CADM2: variants seen among roughly 807,000 people sequenced by gnomAD.
CADM2 encodes the protein cell adhesion molecule 2, also known as immunoglobulin superfamily member 4D.
A neutral mutation model predicts 49.8 loss-of-function variants in CADM2; 12 were observed. That is an observed-to-expected ratio of 0.24 (90% CI 0.15 to 0.39). The LOEUF (loss-of-function observed/expected upper bound fraction) is 0.39, where lower values mean the gene tolerates loss of function less well. Among genes scored for constraint, CADM2 ranks in the 10% least tolerant of loss-of-function variants. The probability of loss-of-function intolerance (pLI) is 1.00; values close to 1 mark genes in which losing one functional copy is unlikely to be tolerated. For missense variants in CADM2, 378 were observed against 492.3 expected (o/e 0.77, Z 2.20); for synonymous variants, 214 against 175.4 (o/e 1.22, Z -1.74).
At chr3:85,913,011 T>C (rs941488466) in intron 6 of CADM2, among the ~76,000 whole-genome samples, 2 of 152,224 alleles carry the variant, frequency 1.3e-5, no homozygotes, top group East Asian at 3.8e-4. Context: ...TTATTTATTA[T>C]GTTTTCATCA....
chr3:85,658,777 A>G (rs973715517), intron 1 of CADM2, among the ~76,000 whole-genome samples: 3 of 150,644 alleles, frequency 2.0e-5, no homozygotes, highest in Non-Finnish European at 4.4e-5. Flanking sequence ...CAAGCTGGAC[A>G]TGGTAACACA....
intron 1 of CADM2, among the ~76,000 whole-genome samples, chr3:85,703,132 G>T (rs922532547): frequency 6.6e-6 from 1 of 152,074 alleles, no homozygotes; most frequent in Non-Finnish European, 1.5e-5. Flanking sequence ...AAAATATTGA[G>T]ATTATACTTA....
intron 8 of CADM2, among the ~76,000 whole-genome samples, chr3:86,029,988 A>G (rs7613552): frequency 0.032 from 4,891 of 152,136 alleles, 149 homozygotes; most frequent in African/African-American, 0.076. Flanking sequence ...AACACAAACA[A>G]TTTAATCTGA....
chr3:86,067,034 T>TG lies in CADM2; in HGVS notation c.*252dup. 1 of 445,512 alleles carries TG rather than the reference T, an allele frequency of 2.2e-6. No individual in the cohort carries two copies. The allele number at this position is 445,512 out of a possible 1,614,324, so 27.6% of individuals were successfully genotyped here. On this transcript the variant is annotated 3_prime_UTR_variant, in exon 10 of 10. Coordinates refer to ENST00000383699, the MANE Select transcript of CADM2 (RefSeq NM_001167675.2). ...CATTGCTCTTTTAACATACAGTGCT[T>TG]GAATATACAGCCTTAACAATGTTAA...
At chr3:85,570,405 G>T (rs1042698503) in intron 1 of CADM2, among the ~76,000 whole-genome samples, 4 of 152,010 alleles carry the variant, frequency 2.6e-5, no homozygotes, top group Non-Finnish European at 5.9e-5. Flanking sequence ...GTAAAATAAA[G>T]AATATAAAAT....
chr3:85,550,962 A>G (rs2061787483), intron 1 of CADM2, among the ~76,000 whole-genome samples: 1 of 128,320 alleles, frequency 7.8e-6, no homozygotes, highest in Non-Finnish European at 1.6e-5. Context: ...ATTTTAATTT[A>G]TTTATTTGTT....
At chr3:85,101,369 T>A (rs2038004490) in intron 1 of CADM2, among the ~76,000 whole-genome samples, 1 of 152,176 alleles carries the variant, frequency 6.6e-6, no homozygotes, top group African/African-American at 2.4e-5. Context: ...TGTCTAGTTG[T>A]TTTGTAATAC....
At chr3:85,586,105 G>T (rs1383140455) in intron 1 of CADM2, among the ~76,000 whole-genome samples, 1 of 152,030 alleles carries the variant, frequency 6.6e-6, no homozygotes. Flanking sequence ...TGTTCATGCT[G>T]TTCCCATTTG....
Position 85,722,851 on chromosome 3 carries a change from A to T in CADM2, c.62-3671A>T, listed in dbSNP as rs73147257. Among the ~76,000 whole-genome samples, 959 of 152,304 alleles carry T rather than the reference A, an allele frequency of 6.3e-3. 3 individuals are homozygous for T. Among genetic ancestry groups the T allele is most frequent in the Non-Finnish European group, 0.01 (689 of 68,004 alleles). ...TCCATTTCAAGAAATGCATTTTAAG[A>T]GTCCCTAAATCTTTGAGAAAATATT... On this transcript the variant is annotated intron_variant, in intron 1 of 9. Transcript: ENST00000383699.
intron 7 of CADM2, among the ~76,000 whole-genome samples, chr3:85,956,539 CAG>C (rs1577771656): frequency 6.6e-6 from 1 of 151,570 alleles, no homozygotes; most frequent in South Asian, 2.1e-4. Flanking sequence ...AGATTTATCA[CAG>C]AGACTAGGAT....
rs2062976862 is a variant in CADM2, at chr3:85,587,475, G to C, written c.62-139047G>C. ...GATCTCTCAGTGGGAAAATTGTCTT[G>C]ACATGGATTGCCACTGAATATATAT... On this transcript the variant is annotated intron_variant, in intron 1 of 9. Transcript: ENST00000383699. Among the ~76,000 whole-genome samples the C allele has an allele frequency of 2.0e-5, 3 of 151,992 alleles. No homozygotes were observed. In the South Asian group the frequency reaches 6.2e-4, roughly 32 times the overall value.
intron 1 of CADM2, among the ~76,000 whole-genome samples, chr3:85,197,703 T>A (rs1353593353): frequency 1.3e-5 from 2 of 151,998 alleles, no homozygotes; most frequent in African/African-American, 4.8e-5. Flanking sequence ...ATCGCACAAG[T>A]CAGCACAGGA....
intron 3 of CADM2, among the ~76,000 whole-genome samples, chr3:85,855,033 G>A (rs1255400596): frequency 6.6e-6 from 1 of 152,034 alleles, no homozygotes; most frequent in Admixed American, 6.6e-5. Context: ...CCTCATCAAA[G>A]GTCTCTTGCC....
chr3:85,727,567 A>G (rs1421947714), intron 2 of CADM2, among the ~76,000 whole-genome samples: 2 of 152,224 alleles, frequency 1.3e-5, no homozygotes, highest in African/African-American at 4.8e-5. Flanking sequence ...AACAAAATAA[A>G]TACATTCACA....
rs1221571788 is a variant in CADM2 at position 85,886,178 on chromosome 3, C to T, written c.392-12C>T. The T allele has an allele frequency of 3.1e-6, 5 of 1,611,920 alleles. No homozygotes were observed. In the Middle Eastern group the frequency reaches 5.0e-4, roughly 160 times the overall value. On this transcript the variant is annotated splice_polypyrimidine_tract_variant and intron_variant, in intron 4 of 9. Transcript: ENST00000383699. ...AGATTGATGCTCACTTCATCATTCG[C>T]TTAAATTTCAGGTGTTCCTGAAAAG...
Position 85,881,297 on chromosome 3 carries a change from G to A in CADM2, c.239-1994G>A, listed in dbSNP as rs562229257. On this transcript the variant is annotated intron_variant, in intron 3 of 9. Coordinates refer to ENST00000383699, the MANE Select transcript of CADM2 (RefSeq NM_001167675.2). ...TTTCTGTTTTTTTTATTTGTGTCAA[G>A]ATCATTAGTAATTGCTTATTAAAGT... Among the ~76,000 whole-genome samples the A allele has an allele frequency of 1.4e-3, 207 of 151,938 alleles. 1 individual carries two copies. The highest frequency in any genetic ancestry group is 2.6e-3 in the Non-Finnish European group (177 of 67,980).
intron 8 of CADM2, among the ~76,000 whole-genome samples, chr3:85,998,441 G>C (rs1263515358): frequency 6.6e-6 from 1 of 152,042 alleles, no homozygotes; most frequent in Non-Finnish European, 1.5e-5. Context: ...AGAGGAATTG[G>C]ATATGCAAAG....
chr3:85,242,490 C>A (rs1477053579), intron 1 of CADM2, among the ~76,000 whole-genome samples: 1 of 151,550 alleles, frequency 6.6e-6, no homozygotes, highest in Non-Finnish European at 1.5e-5. Context: ...TATATTATCA[C>A]ATATCTTTGT....
intron 2 of CADM2, among the ~76,000 whole-genome samples, chr3:85,740,636 A>C (rs1448454242): frequency 6.6e-6 from 1 of 152,046 alleles, no homozygotes; most frequent in Non-Finnish European, 1.5e-5. Context: ...TATGCAGTTT[A>C]CCACCAGATC....
Sources: gnomAD v4.1 joint callset for allele counts (sites outside exome capture counted in the v4.1 genomes callset) on GRCh38, gnomAD v4.1.1 for gene constraint, MANE v1.5 for transcripts, NCBI Gene and HGNC (gene_info 2026-07-23, HGNC 2026-07-21) for gene names.